The following ANOS1 variants were observed in gnomAD, a reference collection of about 807,000 sequenced individuals.
ANOS1 encodes the protein anosmin-1.
Under a neutral mutation model 59.0 loss-of-function variants are expected in ANOS1, and 6 were observed. The ratio of observed to expected loss-of-function variants is 0.10; its 90% CI spans 0.06 to 0.20. The LOEUF (loss-of-function observed/expected upper bound fraction) is 0.20, where lower values mean the gene tolerates loss of function less well. Among genes scored for constraint, ANOS1 ranks in the 10% least tolerant of loss-of-function variants. The pLI is 1.00. For missense variants in ANOS1, 433 were observed against 542.3 expected, an observed-to-expected ratio of 0.80 and a Z score of 2.00; for synonymous variants, 217 against 223.4, an observed-to-expected ratio of 0.97 and a Z score of 0.25.
chrX:8,598,822 C>G (rs779288920), intron 3 of ANOS1, among the ~76,000 whole-genome samples: 1 of 112,212 alleles, frequency 8.9e-6, no homozygotes, highest in African/African-American at 3.2e-5. Flanking sequence ...GCATTTTCAC[C>G]TGGAATGCCT....
chrX:8,595,953 G>T (rs1189356949), intron 4 of ANOS1, among the ~76,000 whole-genome samples: 3 of 110,909 alleles, frequency 2.7e-5, no homozygotes, highest in South Asian at 3.9e-4. Context: ...ATAGGAGCAT[G>T]AACCCTATTG....
intron 3 of ANOS1, among the ~76,000 whole-genome samples, chrX:8,609,657 G>A (rs1049690404): frequency 9.0e-6 from 1 of 110,829 alleles, no homozygotes; most frequent in Non-Finnish European, 1.9e-5. Context: ...GAAATCATTA[G>A]GCATCCACCT....
chrX:8,651,209 A>C (rs1931845446), intron 2 of ANOS1, among the ~76,000 whole-genome samples: 1 of 112,201 alleles, frequency 8.9e-6, no homozygotes, highest in Non-Finnish European at 1.9e-5. Context: ...AGATGGCTCC[A>C]CTGTGGCCCT....
chrX:8,697,016 C>T (rs1003719301), intron 2 of ANOS1, among the ~76,000 whole-genome samples: 1 of 112,068 alleles, frequency 8.9e-6, no homozygotes, highest in Non-Finnish European at 1.9e-5. Context: ...AGCACAGAGA[C>T]GAATCTCTAC....
rs1328497127 is a variant in ANOS1 at position 8,529,042 on chromosome X, CT to C, written c.*3952del. On this transcript the variant is annotated 3_prime_UTR_variant, in exon 14 of 14. Transcript: ENST00000262648. ...GTGACAGACATACACAAAAATCCAA[CT>C]TTTTTTATTACATACATAAATAAAT... 1 of 112,052 alleles carries C rather than the reference CT, an allele frequency of 8.9e-6. No homozygotes were observed. Among genetic ancestry groups the C allele is most frequent in the Non-Finnish European group, 1.9e-5 (1 of 53,301 alleles). The allele number at this position is 112,052 out of a possible 1,213,427, so 9.2% of individuals were successfully genotyped here. A position where few individuals can be genotyped will look rare whatever the true frequency, so the allele number is the denominator to read the frequency against.
intron 1 of ANOS1, among the ~76,000 whole-genome samples, chrX:8,721,844 G>A (rs1932877044): frequency 8.9e-6 from 1 of 112,361 alleles, no homozygotes; most frequent in African/African-American, 3.2e-5. Context: ...TCTCTAACAA[G>A]TTCCCAAAGT....
At chrX:8,561,046 A>G (rs925679678) in intron 8 of ANOS1, among the ~76,000 whole-genome samples, 2 of 112,174 alleles carry the variant, frequency 1.8e-5, no homozygotes, top group Non-Finnish European at 3.8e-5. Flanking sequence ...AGAGGAAGAC[A>G]GAAAGATGAG....
chrX:8,652,295 T>C (rs1412140015), intron 2 of ANOS1, among the ~76,000 whole-genome samples: 2 of 111,546 alleles, frequency 1.8e-5, no homozygotes. Flanking sequence ...ATTTTTGTTT[T>C]TAGGAATGAT....
chrX:8,694,579 G>A (rs1272646535), intron 2 of ANOS1, among the ~76,000 whole-genome samples: 1 of 112,087 alleles, frequency 8.9e-6, no homozygotes, highest in East Asian at 2.8e-4. Flanking sequence ...TGAGGCTGGA[G>A]AATCACTTGA....
chrX:8,619,070 C>CAAAAAAAAAAAAAAA (rs1164164251), intron 3 of ANOS1, among the ~76,000 whole-genome samples: 26 of 43,968 alleles, frequency 5.9e-4, no homozygotes, highest in African/African-American at 1.0e-3. Context: ...AAACCTCTCT[C>CAAAAAAAAAAAAAAA]AAAAAAAAAA....
At chrX:8,533,961 A>G (rs1042405465) in intron 13 of ANOS1, among the ~76,000 whole-genome samples, 1 of 97,285 alleles carries the variant, frequency 1.0e-5, no homozygotes, top group African/African-American at 3.7e-5. Context: ...GAAGGAAAAA[A>G]AAAACAAAGG....
intron 9 of ANOS1, among the ~76,000 whole-genome samples, chrX:8,553,031 C>G (rs937160901): frequency 9.1e-6 from 1 of 109,744 alleles, no homozygotes; most frequent in Non-Finnish European, 1.9e-5. Flanking sequence ...CCATCAATAC[C>G]TTGAGTAAAA....
chrX:8,673,400 T>C (rs764668232), intron 2 of ANOS1, among the ~76,000 whole-genome samples: 1 of 108,308 alleles, frequency 9.2e-6, no homozygotes, highest in South Asian at 4.1e-4. Flanking sequence ...TCCAGAACTA[T>C]GGAACTTGGC....
Position 8,685,597 on chromosome X carries a change from G to GA in ANOS1, c.255+14100dup, listed in dbSNP as rs1555901530. Among the ~76,000 whole-genome samples the GA allele has an allele frequency of 1.0e-4, 6 of 57,273 alleles. No homozygotes were observed. The Admixed American group carries it at 1.2e-3, about 11-fold the overall frequency. 49.7% of individuals were successfully genotyped at this position (57,273 alleles called of 115,157 possible). ...AGGAAGGAAAGAAAGAGAAAGAAAG[G>GA]AAGAAAGAAAGAAAGAAAGAAAGAA... On this transcript the variant is annotated intron_variant, in intron 2 of 13. Transcript: ENST00000262648.
At position 8,594,643 on chromosome X, in the gene ANOS1, CATATATATATATGTGTATATATATAT is replaced by C. The variant is rs1327978808; in HGVS notation, c.541+2365_541+2390del. Among the ~76,000 whole-genome samples, 101 of 45,653 alleles carry C rather than the reference CATATATATATATGTGTATATATATAT, an allele frequency of 2.2e-3. 1 individual carries two copies. Among genetic ancestry groups the C allele is most frequent in the Middle Eastern group, 0.028 (2 of 71 alleles). The allele number at this position is 45,653 out of a possible 115,157, so 39.6% of individuals were successfully genotyped here. ...TGAAGAAAGCAAGAAAAAAAATCTACATATATATATATGTGTATATATATATATATATATATATATATATATATATA... is the reference window on the plus strand; with the variant it reads ...TGAAGAAAGCAAGAAAAAAAATCTACATATATATATATATATATATATATA... On this transcript the variant is annotated intron_variant, in intron 4 of 13. Coordinates refer to ENST00000262648, the MANE Select transcript of ANOS1 (RefSeq NM_000216.4).
chrX:8,573,657 G>C (rs748667067), intron 6 of ANOS1, among the ~76,000 whole-genome samples: 1 of 111,091 alleles, frequency 9.0e-6, no homozygotes, highest in Non-Finnish European at 1.9e-5. Flanking sequence ...TCCACTTGGA[G>C]GTCTCAGAGG....
chrX:8,643,892 T>C (rs1477211930), intron 2 of ANOS1, among the ~76,000 whole-genome samples: 1 of 111,552 alleles, frequency 9.0e-6, no homozygotes, highest in African/African-American at 3.3e-5. Flanking sequence ...ACCTATAACC[T>C]AGAAGTGCCA....
chrX:8,613,839 T>C (rs1931111468), intron 3 of ANOS1, among the ~76,000 whole-genome samples: 1 of 111,628 alleles, frequency 9.0e-6, no homozygotes, highest in Non-Finnish European at 1.9e-5. Flanking sequence ...AGCCCCAGTA[T>C]CCAAGAAGTA....
At chrX:8,597,282 A>G (rs1316030027) in intron 3 of ANOS1, 26 bp from the exon 4 acceptor site, 1 of 1,139,114 alleles carries the variant, frequency 8.8e-7, no homozygotes, top group Admixed American at 2.3e-5. Context: ...ATTTTAAAAA[A>G]TATTCCATTA....
Sources: gnomAD v4.1 joint callset for allele counts (sites outside exome capture counted in the v4.1 genomes callset) on GRCh38, gnomAD v4.1.1 for gene constraint, MANE v1.5 for transcripts, NCBI Gene and HGNC (gene_info 2026-07-23, HGNC 2026-07-21) for gene names.